The following DMC1 variants were observed in gnomAD, a reference collection of about 807,000 sequenced individuals.
DMC1 encodes the protein DNA meiotic recombinase 1.
A neutral mutation model predicts 50.1 loss-of-function variants in DMC1; 27 were observed. The observed-to-expected ratio is 0.54, with a 90% CI of 0.40 to 0.74. The LOEUF is 0.74. Ranked by LOEUF, DMC1 falls within the 30% of genes least tolerant of loss-of-function variation. The pLI is 0.00. For missense variants in DMC1, 295 were observed against 420.2 expected (o/e 0.70, Z 2.60); for synonymous variants, 148 against 136.1 (o/e 1.09, Z -0.61).
chr22:38,531,232 T>C (rs1023082647), intron 12 of DMC1, among the ~76,000 whole-genome samples: 16 of 152,202 alleles, frequency 1.1e-4, no homozygotes, highest in Admixed American at 7.9e-4. Flanking sequence ...TGGGACTTTA[T>C]GGACTGATAC....
At chr22:38,512,221 T>A in the DMC1 span, among the ~76,000 whole-genome samples, 1 of 152,132 alleles carries the variant, frequency 6.6e-6, no homozygotes, top group South Asian at 2.1e-4. Flanking sequence ...GTGATCCACC[T>A]GCCTCAACCT....
chr22:38,545,208 A>AGACC (rs1454617984), intron 8 of DMC1, among the ~76,000 whole-genome samples: 1 of 151,952 alleles, frequency 6.6e-6, no homozygotes, highest in Non-Finnish European at 1.5e-5. Context: ...CAGGAGTTGG[A>AGACC]GACCAGCCTG....
chr22:38,513,477 T>C, the DMC1 span, among the ~76,000 whole-genome samples: 1 of 152,362 alleles, frequency 6.6e-6, no homozygotes, highest in Admixed American at 6.5e-5. Flanking sequence ...GAAGGAGTCC[T>C]GACTAGCCAC....
rs1173938254 is a variant in DMC1, at chr22:38,538,584, A to G, written c.615T>C (p.Tyr205=). ...CTTCTTCATGGAACTTTGCTGCTAC[A>G]TAATCAAGTAGCTCCATCTGATGTT... ...TSEHQMELLD[Y]VAAKFHEEAG... Residue 205 remains tyrosine, a synonymous_variant, in exon 10 of 14, where the codon TAT becomes TAC. Coordinates refer to ENST00000216024, the MANE Select transcript of DMC1 (RefSeq NM_007068.4). The G allele has an allele frequency of 2.5e-6, 4 of 1,613,838 alleles. No homozygotes were observed. Among genetic ancestry groups the G allele is most frequent in the Middle Eastern group, 1.6e-4 (1 of 6,084 alleles).
chr22:38,533,344 C>T (rs1451694907), intron 12 of DMC1, among the ~76,000 whole-genome samples: 5 of 141,126 alleles, frequency 3.5e-5, no homozygotes, highest in Non-Finnish European at 6.0e-5. Context: ...TGCAGTGAGC[C>T]GAGATCGCGC....
chr22:38,514,246 CTTTTTT>C (rs142872124), downstream of DMC1, among the ~76,000 whole-genome samples: 2 of 71,310 alleles, frequency 2.8e-5, no homozygotes, highest in Admixed American at 1.6e-4. Context: ...GTTAGGTATT[CTTTTTT>C]TTTTTTTTTT....
At chr22:38,523,175 G>T (rs533105257) in intron 12 of DMC1, among the ~76,000 whole-genome samples, 1 of 152,230 alleles carries the variant, frequency 6.6e-6, no homozygotes, top group Non-Finnish European at 1.5e-5. Flanking sequence ...TATCAAGAAA[G>T]TAGTAGCCAG....
downstream of DMC1, among the ~76,000 whole-genome samples, chr22:38,517,583 AAAC>A (rs2145747452): frequency 6.6e-6 from 1 of 152,238 alleles, no homozygotes; most frequent in African/African-American, 2.4e-5. Flanking sequence ...ACAAAAAACA[AAAC>A]AAAAAACAAA....
chr22:38,535,633 A>T (rs1435825995), intron 12 of DMC1, among the ~76,000 whole-genome samples: 2 of 149,946 alleles, frequency 1.3e-5, no homozygotes, highest in Non-Finnish European at 3.0e-5. Context: ...TTTGAGACGG[A>T]GTCTTGTTCT....
At chr22:38,567,968 A>G (rs552499094) in intron 2 of DMC1, among the ~76,000 whole-genome samples, 1 of 152,360 alleles carries the variant, frequency 6.6e-6, no homozygotes, top group African/African-American at 2.4e-5. Context: ...GCTATTCGGT[A>G]CCCGTGTGTG....
chr22:38,549,763 A>C (rs1482776891), intron 8 of DMC1, 162 bp downstream of exon 8: 3 of 619,092 alleles, frequency 4.8e-6, no homozygotes, highest in Non-Finnish European at 8.7e-6. Flanking sequence ...ATTAAATACA[A>C]AGTGATTGGA....
chr22:38,521,758 A>G, intron 12 of DMC1, 34 bp from the exon 13 acceptor site: 2 of 1,407,662 alleles, frequency 1.4e-6, no homozygotes, highest in Non-Finnish European at 2.0e-6. Flanking sequence ...AGGTTTCATC[A>G]TATGGACTAT....
intron 10 of DMC1, 44 bp downstream of exon 10, chr22:38,538,495 T>C: frequency 6.2e-7 from 1 of 1,606,470 alleles, no homozygotes; most frequent in Non-Finnish European, 8.5e-7. Context: ...AAGAAAAATA[T>C]TATGCTAAAT....
intron 12 of DMC1, among the ~76,000 whole-genome samples, chr22:38,526,855 G>C (rs2090097303): frequency 6.6e-6 from 1 of 152,096 alleles, no homozygotes; most frequent in African/African-American, 2.4e-5. Context: ...CTCAAATGTA[G>C]CTACATTTTC....
intron 7 of DMC1, among the ~76,000 whole-genome samples, chr22:38,551,111 G>A (rs911344430): frequency 1.3e-5 from 2 of 150,396 alleles, no homozygotes; most frequent in African/African-American, 2.4e-5. Context: ...AGCCGGGCAT[G>A]GTCGTGAGTG....
chr22:38,532,225 G>T (rs2090160286), intron 12 of DMC1, among the ~76,000 whole-genome samples: 1 of 152,048 alleles, frequency 6.6e-6, no homozygotes, highest in Non-Finnish European at 1.5e-5. Flanking sequence ...AAACAGAGAT[G>T]ATTGCCTTAA....
chr22:38,552,447 T>G (rs2090423139), intron 7 of DMC1, among the ~76,000 whole-genome samples: 1 of 152,176 alleles, frequency 6.6e-6, no homozygotes, highest in South Asian at 2.1e-4. Context: ...TTCTCTCTAT[T>G]TCTACTCAGG....
chr22:38,558,531 A>G (rs926399056), intron 5 of DMC1, among the ~76,000 whole-genome samples: 3 of 152,104 alleles, frequency 2.0e-5, no homozygotes, highest in Admixed American at 1.3e-4. Context: ...CCTGGCCAAC[A>G]TGGTGAAACT....
chr22:38,544,463 C>T (rs570002207), intron 8 of DMC1, among the ~76,000 whole-genome samples: 4 of 152,110 alleles, frequency 2.6e-5, no homozygotes, highest in South Asian at 2.1e-4. Context: ...CAGGTTGTCC[C>T]GCCTTTCCAG....
Sources: allele counts gnomAD v4.1 joint callset (sites outside exome capture counted in the v4.1 genomes callset), GRCh38; gene constraint gnomAD v4.1.1; transcripts MANE v1.5; gene names NCBI Gene and HGNC (gene_info 2026-07-23, HGNC 2026-07-21).